TRPM3: variants seen among roughly 807,000 people sequenced by gnomAD.
TRPM3 encodes transient receptor potential cation channel subfamily M member 3, also known as long transient receptor potential channel 3.
Under a neutral mutation model 181.2 loss-of-function variants are expected in TRPM3, and 77 were observed. The observed-to-expected ratio is 0.42, with a 90% CI of 0.35 to 0.51. The LOEUF is 0.51. TRPM3 is among the 20% of genes least tolerant of loss of function. TRPM3 has a pLI of 0.01. For missense variants in TRPM3, 1,759 were observed against 2,196.7 expected (o/e 0.80, Z 3.98); for synonymous variants, 745 against 796.4 (o/e 0.94, Z 1.09).
intron 1 of TRPM3, among the ~76,000 whole-genome samples, chr9:71,258,454 T>C (rs77505931): frequency 7.2e-5 from 11 of 152,166 alleles, no homozygotes; most frequent in Non-Finnish European, 1.3e-4. Context: ...ATCATTTATA[T>C]TTTTTTACAT....
chr9:70,964,926 CA>C (rs2097171416), intron 1 of TRPM3, among the ~76,000 whole-genome samples: 1 of 151,934 alleles, frequency 6.6e-6, no homozygotes, highest in South Asian at 2.1e-4. Flanking sequence ...ATATAATGTG[CA>C]CCATATTTAG....
chr9:70,667,196 A>G (rs2061966271), intron 9 of TRPM3, among the ~76,000 whole-genome samples: 1 of 151,930 alleles, frequency 6.6e-6, no homozygotes, highest in Admixed American at 6.6e-5. Context: ...TGGGCATAAG[A>G]GTGCTGACTG....
At chr9:71,253,871 G>T (rs562474672) in intron 1 of TRPM3, among the ~76,000 whole-genome samples, 2 of 152,026 alleles carry the variant, frequency 1.3e-5, no homozygotes, top group African/African-American at 4.8e-5. Flanking sequence ...CTATTCAACC[G>T]CAAAAAAGAA....
intron 7 of TRPM3, among the ~76,000 whole-genome samples, chr9:70,777,079 G>C (rs2081502391): frequency 6.6e-6 from 1 of 152,132 alleles, no homozygotes; most frequent in Non-Finnish European, 1.5e-5. Context: ...AGTTAGCTAA[G>C]GAAATCTCAG....
intron 1 of TRPM3, among the ~76,000 whole-genome samples, chr9:71,345,255 A>T (rs1274405409): frequency 6.6e-6 from 1 of 152,210 alleles, no homozygotes; most frequent in African/African-American, 2.4e-5. Flanking sequence ...TGCCCAAAGG[A>T]TTACAAATCA....
intron 1 of TRPM3, among the ~76,000 whole-genome samples, chr9:71,182,780 G>C (rs2077474905): frequency 6.6e-6 from 1 of 152,028 alleles, no homozygotes; most frequent in Non-Finnish European, 1.5e-5. Flanking sequence ...TCCTGCCTCA[G>C]CCTCCTGAGT....
intron 1 of TRPM3, among the ~76,000 whole-genome samples, chr9:70,940,162 G>A (rs2096871690): frequency 6.6e-6 from 1 of 152,186 alleles, no homozygotes; most frequent in Admixed American, 6.5e-5. Context: ...TCTGTTAGAA[G>A]CACAAAATAT....
chr9:70,740,762 T>TG (rs2073896750), intron 8 of TRPM3, among the ~76,000 whole-genome samples: 1 of 152,158 alleles, frequency 6.6e-6, no homozygotes, highest in Non-Finnish European at 1.5e-5. Context: ...GGCAATCACA[T>TG]GTAGAAGAAT....
chr9:70,695,603 C>A (rs1340795060), intron 8 of TRPM3, among the ~76,000 whole-genome samples: 1 of 152,190 alleles, frequency 6.6e-6, no homozygotes, highest in Non-Finnish European at 1.5e-5. Context: ...GGGTTAGACA[C>A]CTAGCCTCCG....
chr9:71,062,778 A>C (rs1714179467), intron 1 of TRPM3, among the ~76,000 whole-genome samples: 1 of 151,950 alleles, frequency 6.6e-6, no homozygotes, highest in South Asian at 2.1e-4. Context: ...GTTCCTGATA[A>C]AAGGATGAGT....
chr9:70,588,611 T>C (rs2057564929), intron 22 of TRPM3, among the ~76,000 whole-genome samples: 1 of 152,196 alleles, frequency 6.6e-6, no homozygotes, highest in Admixed American at 6.5e-5. Context: ...GGAAGGGCTG[T>C]GGGTCCAGGC....
chr9:71,196,980 T>G (rs1219258442), intron 1 of TRPM3, among the ~76,000 whole-genome samples: 1 of 152,034 alleles, frequency 6.6e-6, no homozygotes, highest in Admixed American at 6.6e-5. Flanking sequence ...TACTCGTCAT[T>G]TAACATTAGG....
At chr9:70,881,419 T>G (rs1224614567) in intron 1 of TRPM3, among the ~76,000 whole-genome samples, 1 of 152,144 alleles carries the variant, frequency 6.6e-6, no homozygotes, top group African/African-American at 2.4e-5. Flanking sequence ...TTTTCTGAGA[T>G]TTAAGTAACA....
intron 8 of TRPM3, among the ~76,000 whole-genome samples, chr9:70,757,679 G>A (rs1207588850): frequency 1.3e-5 from 2 of 151,990 alleles, no homozygotes; most frequent in Non-Finnish European, 2.9e-5. Context: ...TTCAACATAT[G>A]CATATCAATA....
At chr9:71,044,153 A>G (rs950127821) in intron 1 of TRPM3, among the ~76,000 whole-genome samples, 1 of 152,104 alleles carries the variant, frequency 6.6e-6, no homozygotes, top group African/African-American at 2.4e-5. Flanking sequence ...AAGTTTAGTC[A>G]CAAGACTTTT....
intron 1 of TRPM3, among the ~76,000 whole-genome samples, chr9:71,178,414 A>C (rs1040326455): frequency 6.6e-6 from 1 of 152,074 alleles, no homozygotes; most frequent in Non-Finnish European, 1.5e-5. Flanking sequence ...TAATTCTCTC[A>C]CTTTTGTAAG....
chr9:70,572,114 TTGTGTGTG>T (rs58492210), intron 22 of TRPM3, among the ~76,000 whole-genome samples: 23 of 149,862 alleles, frequency 1.5e-4, no homozygotes, highest in Non-Finnish European at 8.9e-5. Flanking sequence ...TCCCAGTTAC[TTGTGTGTG>T]TGTGTGTGTG....
chr9:70,633,140 T>C (rs112998338), intron 12 of TRPM3, among the ~76,000 whole-genome samples: 41 of 152,308 alleles, frequency 2.7e-4, no homozygotes, highest in African/African-American at 9.4e-4. Context: ...CATAGCTGTC[T>C]CTTTAGAAAA....
intron 1 of TRPM3, among the ~76,000 whole-genome samples, chr9:70,895,691 T>C (rs1314607922): frequency 3.3e-5 from 5 of 152,122 alleles, no homozygotes; most frequent in African/African-American, 1.2e-4. Flanking sequence ...TTTCAGTGAA[T>C]TTACAAACTA....
Sources: gnomAD v4.1 joint callset for allele counts (sites outside exome capture counted in the v4.1 genomes callset) on GRCh38, gnomAD v4.1.1 for gene constraint, MANE v1.5 for transcripts, NCBI Gene and HGNC (gene_info 2026-07-23, HGNC 2026-07-21) for gene names.